The following CAPS2 variants were observed in gnomAD, a reference collection of about 807,000 sequenced individuals.
The protein encoded by CAPS2 is calcyphosine 2.
Under a neutral mutation model 86.5 loss-of-function variants are expected in CAPS2, and 98 were observed. The observed-to-expected ratio is 1.13, with a 90% CI of 0.96 to 1.34. The LOEUF is 1.34. Ranked by LOEUF, CAPS2 falls within the 40% of genes most tolerant of loss-of-function variation. The pLI, the probability that CAPS2 is intolerant of heterozygous loss-of-function variation, is 0.00. For synonymous variants in CAPS2, 210 were observed against 225.1 expected (o/e 0.93, Z 0.60); for missense variants, 729 against 686.8 (o/e 1.06, Z -0.69).
chr12:75,278,779 C>CT, exon 17 of CAPS2: 1 of 1,329,312 alleles, frequency 7.5e-7, no homozygotes, highest in Non-Finnish European at 9.6e-7. Flanking sequence ...AACAAGAAAC[C>CT]AGAATAAAGG....
chr12:75,380,295 T>C (rs1353684885), intron 1 of CAPS2, among the ~76,000 whole-genome samples: 1 of 152,186 alleles, frequency 6.6e-6, no homozygotes, highest in East Asian at 1.9e-4. Context: ...ACTAGGTAAT[T>C]TGAACTGTAA....
rs545924656 is a variant in CAPS2 at position 75,374,310 on chromosome 12, A to G, written c.-395+16528T>C. Among the ~76,000 whole-genome samples, 11 of 152,358 alleles carry G rather than the reference A, an allele frequency of 7.2e-5. No homozygotes were observed. In the South Asian group the frequency reaches 2.3e-3, roughly 32 times the overall value. ...TTTCGAGTTACTCGACAGATGGGCC[A>G]GAGTAACACACCCAAATGAGGAATG... is the stretch of plus-strand genomic sequence containing the variant. On this transcript the variant is annotated intron_variant, in intron 1 of 5. Coordinates refer to the CAPS2 transcript ENST00000551829.
At chr12:75,361,671 T>G (rs2043602833) in intron 1 of CAPS2, among the ~76,000 whole-genome samples, 1 of 152,160 alleles carries the variant, frequency 6.6e-6, no homozygotes, top group African/African-American at 2.4e-5. Context: ...TTCCTTACAG[T>G]GCAGCAGGAG....
At chr12:75,325,160 T>C (rs2040645559) in intron 2 of CAPS2, 79 bp downstream of exon 3, 6 of 1,309,174 alleles carry the variant, frequency 4.6e-6, no homozygotes, top group Non-Finnish European at 6.2e-6. Flanking sequence ...ATTTATAATT[T>C]TGCTTTGTTT....
intron 11 of CAPS2, chr12:75,298,076 T>C (rs567291634): frequency 2.0e-5 from 3 of 152,422 alleles, no homozygotes; most frequent in Admixed American, 6.5e-5. Context: ...GATAGAAACA[T>C]ATATTACCTG....
chr12:75,290,761 A>T (rs190405219), intron 13 of CAPS2, among the ~76,000 whole-genome samples: 351 of 150,670 alleles, frequency 2.3e-3, no homozygotes, highest in East Asian at 6.0e-3. Flanking sequence ...ACAAAAACAT[A>T]AAAAAAAAGA....
rs1593157192 is a variant in CAPS2, at chr12:75,279,018, T to C, written c.1660A>G (p.Lys554Glu). ...TCATCAGACTTGCTGCAGGCAACTT[T>C]TAATGTTTCTAGAAAGGATGATTTG... Residue 554 changes from lysine (K) to glutamate (E), a missense_variant, in exon 17 of 17, where the codon AAA (lysine) becomes GAA (glutamate). Physicochemically the swap from Lys to Glu is moderately conservative, Grantham distance 56. Coordinates refer to ENST00000393284, the Ensembl canonical transcript of CAPS2. 4 of 1,609,064 alleles carry C rather than the reference T, an allele frequency of 2.5e-6. No homozygotes were observed. The East Asian group carries it at 8.9e-5, about 36-fold the overall frequency.
At chr12:75,353,041 C>A (rs1459609702) in intron 1 of CAPS2, among the ~76,000 whole-genome samples, 2 of 152,028 alleles carry the variant, frequency 1.3e-5, no homozygotes, top group Admixed American at 1.3e-4. Flanking sequence ...CATCAAAAAG[C>A]TAGAAAGATC....
chr12:75,313,872 A>G (rs2039478084), intron 6 of CAPS2, among the ~76,000 whole-genome samples: 1 of 152,222 alleles, frequency 6.6e-6, no homozygotes, highest in South Asian at 2.1e-4. Flanking sequence ...GAAAATCGGA[A>G]AAGTTGGGCA....
intron 1 of CAPS2, among the ~76,000 whole-genome samples, chr12:75,339,680 G>A (rs1219009193): frequency 1.3e-5 from 2 of 152,098 alleles, no homozygotes; most frequent in African/African-American, 4.8e-5. Flanking sequence ...GTCCTGAATG[G>A]TATTGCCTAG....
chr12:75,371,237 C>G (rs2044339370), intron 1 of CAPS2: 1 of 153,300 alleles, frequency 6.5e-6, no homozygotes, highest in Admixed American at 6.5e-5. Flanking sequence ...TGATGTAAAT[C>G]CGAGAGTCCA....
At chr12:75,289,687 A>T in exon 14 of CAPS2, 1 of 1,613,392 alleles carries the variant, frequency 6.2e-7, no homozygotes, top group Non-Finnish European at 8.5e-7. Context: ...CTAAAAGTCC[A>T]TTTCCTTCCT....
chr12:75,316,214 T>A (rs2039742151), intron 6 of CAPS2, 98 bp downstream of exon 6: 1 of 1,426,196 alleles, frequency 7.0e-7, no homozygotes, highest in Non-Finnish European at 9.4e-7. Flanking sequence ...GAGTTCAAAT[T>A]CAACTGTTGC....
chr12:75,360,254 T>C (rs890217058), intron 1 of CAPS2: 2 of 152,228 alleles, frequency 1.3e-5, no homozygotes, highest in African/African-American at 4.8e-5. Context: ...TCTTTTTACA[T>C]TTCCCAACCA....
intron 6 of CAPS2, among the ~76,000 whole-genome samples, chr12:75,316,002 C>T (rs540080821): frequency 6.6e-6 from 1 of 152,168 alleles, no homozygotes; most frequent in Admixed American, 6.6e-5. Context: ...AAAAAAATAA[C>T]CAGGCTGCTT....
chr12:75,277,325 A>G, exon 17 of CAPS2: 1 of 971,124 alleles, frequency 1.0e-6, no homozygotes, highest in Non-Finnish European at 1.2e-6. Context: ...AAAATTATCA[A>G]TGAAAAACAC....
intron 1 of CAPS2, among the ~76,000 whole-genome samples, chr12:75,371,840 C>T (rs879630823): frequency 3.9e-5 from 6 of 152,174 alleles, no homozygotes; most frequent in African/African-American, 1.2e-4. Flanking sequence ...TTACAGTCCT[C>T]GTTTCTGCAA....
At chr12:75,370,082 C>A in intron 1 of CAPS2, 1 of 1,586,920 alleles carries the variant, frequency 6.3e-7, no homozygotes, top group Middle Eastern at 1.7e-4. Context: ...TTGTTTTTGA[C>A]AGAAAATCCA....
chr12:75,356,419 T>C (rs548920509), intron 1 of CAPS2, among the ~76,000 whole-genome samples: 38 of 152,298 alleles, frequency 2.5e-4, no homozygotes, highest in Middle Eastern at 3.4e-3. Flanking sequence ...ATATTGTATA[T>C]GTAAAATTGA....
Sources: allele counts gnomAD v4.1 joint callset (sites outside exome capture counted in the v4.1 genomes callset), GRCh38; gene constraint gnomAD v4.1.1; transcripts MANE v1.5; gene names NCBI Gene and HGNC (gene_info 2026-07-23, HGNC 2026-07-21).